The following RALGPS2 variants were observed in gnomAD, a reference collection of about 807,000 sequenced individuals.
RALGPS2 encodes ras-specific guanine nucleotide-releasing factor RalGPS2.
Under a neutral mutation model 86.8 loss-of-function variants are expected in RALGPS2, and 43 were observed. The observed-to-expected ratio is 0.50, with a 90% CI of 0.39 to 0.64. The LOEUF is 0.64. RALGPS2 is among the 30% of genes least tolerant of loss of function. The pLI, the probability that RALGPS2 is intolerant of heterozygous loss-of-function variation, is 0.00. For synonymous variants in RALGPS2, 243 were observed against 231.3 expected (o/e 1.05, Z -0.46); for missense variants, 536 against 694.6 (o/e 0.77, Z 2.57).
chr1:178,848,729 T>A (rs1292672159), intron 8 of RALGPS2, among the ~76,000 whole-genome samples: 1 of 152,096 alleles, frequency 6.6e-6, no homozygotes, highest in Admixed American at 6.6e-5. Flanking sequence ...CTCGGCCCAC[T>A]GCAAGCAATT....
chr1:178,820,394 T>G (rs1655440978), intron 6 of RALGPS2, among the ~76,000 whole-genome samples: 1 of 152,212 alleles, frequency 6.6e-6, no homozygotes, highest in Non-Finnish European at 1.5e-5. Flanking sequence ...AATGGCCCTT[T>G]CTGGTTTCAT....
rs1034366296 is a variant in RALGPS2, at chr1:178,802,873, G to A, written c.214-5172G>A. Reference sequence around the variant, plus strand: ...ATTTTATACATTCACGCCATCCCTAGCTTTTTCTTAATTTTTCGATACTCC... The same window carrying A: ...ATTTTATACATTCACGCCATCCCTAACTTTTTCTTAATTTTTCGATACTCC... On this transcript the variant is annotated intron_variant, in intron 4 of 19. Coordinates refer to ENST00000367635, the MANE Select transcript of RALGPS2 (RefSeq NM_152663.5). 2.0e-5 allele frequency among the ~76,000 whole-genome samples: 3 copies of A among 151,938 alleles called. No homozygotes were observed. In the East Asian group the frequency reaches 5.8e-4, roughly 29 times the overall value.
intron 1 of RALGPS2, among the ~76,000 whole-genome samples, chr1:178,755,400 A>G (rs891081475): frequency 2.0e-5 from 3 of 152,052 alleles, no homozygotes; most frequent in Non-Finnish European, 2.9e-5. Flanking sequence ...ACAAATACCC[A>G]TTGATTAGCT....
At chr1:178,877,344 ATATGT>A (rs1381233705) in intron 8 of RALGPS2, among the ~76,000 whole-genome samples, 149 bp from the exon 9 acceptor site, 1 of 152,070 alleles carries the variant, frequency 6.6e-6, no homozygotes, top group Non-Finnish European at 1.5e-5. Context: ...CCCAGTAACC[ATATGT>A]TACCCAGGCT....
chr1:178,737,814 C>T (rs1433829442), intron 1 of RALGPS2, among the ~76,000 whole-genome samples: 3 of 152,052 alleles, frequency 2.0e-5, no homozygotes, highest in African/African-American at 4.8e-5. Context: ...GTCTCACTCT[C>T]TCACCCAGAC....
chr1:178,891,981 T>C (rs1659731683), intron 14 of RALGPS2, among the ~76,000 whole-genome samples: 1 of 152,012 alleles, frequency 6.6e-6, no homozygotes, highest in African/African-American at 2.4e-5. Context: ...TGAAAGTGAA[T>C]GTATATGTAA....
intron 8 of RALGPS2, among the ~76,000 whole-genome samples, chr1:178,863,863 T>G (rs1658205082): frequency 6.6e-6 from 1 of 152,224 alleles, no homozygotes; most frequent in African/African-American, 2.4e-5. Context: ...GACAGAGAGA[T>G]GAAACCACTT....
At chr1:178,860,980 T>C (rs1318463360) in intron 8 of RALGPS2, among the ~76,000 whole-genome samples, 1 of 152,166 alleles carries the variant, frequency 6.6e-6, no homozygotes, top group Admixed American at 6.5e-5. Context: ...CTATTTGTTG[T>C]TGCTTGTAGT....
Position 178,873,728 on chromosome 1 carries a change from A to T in RALGPS2, c.608-3770A>T, listed in dbSNP as rs114729636. 6.1e-3 allele frequency among the ~76,000 whole-genome samples: 930 copies of T among 152,366 alleles called. 11 individuals carry two copies. Among genetic ancestry groups the T allele is most frequent in the African/African-American group, 0.021 (889 of 41,586 alleles). ...GTCTATCAAATAAAATGGATGAGTT[A>T]CAATTGTCACACATTAGCTTGTTCT... On this transcript the variant is annotated intron_variant, in intron 8 of 19. Transcript: ENST00000367635.
At chr1:178,801,816 A>AAGGG (rs34355414) in intron 4 of RALGPS2, among the ~76,000 whole-genome samples, 1 of 141,784 alleles carries the variant, frequency 7.1e-6, no homozygotes, top group Non-Finnish European at 1.5e-5. Context: ...TGATGGGTAG[A>AAGGG]AGGGAGGGAG....
At chr1:178,902,272 A>G (rs1439107359) in intron 18 of RALGPS2, 61 bp downstream of exon 18, 20 of 1,311,840 alleles carry the variant, frequency 1.5e-5, no homozygotes, top group Non-Finnish European at 2.1e-5. Flanking sequence ...ATATGTATGT[A>G]TGTATGTGTG....
At chr1:178,741,775 A>G (rs182413670) in intron 1 of RALGPS2, among the ~76,000 whole-genome samples, 1 of 152,306 alleles carries the variant, frequency 6.6e-6, no homozygotes, top group African/African-American at 2.4e-5. Flanking sequence ...GCAAATAGCA[A>G]AATATAATAG....
intron 1 of RALGPS2, among the ~76,000 whole-genome samples, chr1:178,766,108 T>A (rs945054801): frequency 2.6e-5 from 4 of 152,152 alleles, no homozygotes; most frequent in Non-Finnish European, 5.9e-5. Context: ...GTGATAAGTG[T>A]CCATGAAATC....
At chr1:178,758,646 C>T (rs572003746) in intron 1 of RALGPS2, among the ~76,000 whole-genome samples, 6 of 152,264 alleles carry the variant, frequency 3.9e-5, no homozygotes, top group African/African-American at 1.4e-4. Context: ...TAAGTGAGAA[C>T]ATACAATGTT....
intron 8 of RALGPS2, among the ~76,000 whole-genome samples, chr1:178,854,032 A>G (rs1050582095): frequency 6.6e-6 from 1 of 151,970 alleles, no homozygotes; most frequent in Non-Finnish European, 1.5e-5. Flanking sequence ...TTATAATCCT[A>G]ATACATGTAG....
intron 4 of RALGPS2, among the ~76,000 whole-genome samples, chr1:178,801,600 T>C (rs904116022): frequency 4.6e-5 from 7 of 152,186 alleles, no homozygotes; most frequent in Non-Finnish European, 7.3e-5. Context: ...GTCCGTCCAA[T>C]TCTTAGAACA....
intron 19 of RALGPS2, among the ~76,000 whole-genome samples, chr1:178,909,657 T>C (rs1660537130): frequency 7.0e-6 from 1 of 142,052 alleles, no homozygotes; most frequent in African/African-American, 2.6e-5. Flanking sequence ...TTTTTTTTTT[T>C]TTTTTTTTTT....
At chr1:178,796,772 A>G (rs1654211265) in intron 4 of RALGPS2, among the ~76,000 whole-genome samples, 1 of 152,198 alleles carries the variant, frequency 6.6e-6, no homozygotes, top group African/African-American at 2.4e-5. Context: ...TTCATAGGGT[A>G]GGTGGTCATC....
chr1:178,910,055 C>G (rs1456174631), intron 19 of RALGPS2, among the ~76,000 whole-genome samples: 4 of 151,962 alleles, frequency 2.6e-5, no homozygotes, highest in Non-Finnish European at 5.9e-5. Flanking sequence ...TGATTTGGCT[C>G]TCAGTTTGAG....
Sources: gnomAD v4.1 joint callset for allele counts (sites outside exome capture counted in the v4.1 genomes callset) on GRCh38, gnomAD v4.1.1 for gene constraint, MANE v1.5 for transcripts, NCBI Gene and HGNC (gene_info 2026-07-23, HGNC 2026-07-21) for gene names.